Variants in CSMD1 observed in about 807,000 individuals in gnomAD.
CSMD1 encodes CUB and sushi domain-containing protein 1.
In CSMD1, 213 loss-of-function variants were observed where a neutral mutation model predicts 417.5. The observed-to-expected ratio is 0.51, with a 90% CI of 0.46 to 0.57. The LOEUF is 0.57. Ranked by LOEUF, CSMD1 falls within the 20% of genes least tolerant of loss-of-function variation. CSMD1 has a pLI of 0.00. For missense variants in CSMD1, 6,923 were observed against 4,529.7 expected, an observed-to-expected ratio of 1.53 and a Z score of -15.17; for synonymous variants, 2,862 against 1,736.8, an observed-to-expected ratio of 1.65 and a Z score of -16.11.
intron 7 of CSMD1, among the ~76,000 whole-genome samples, chr8:3,671,448 T>C (rs560335865): frequency 6.9e-6 from 1 of 144,702 alleles, no homozygotes; most frequent in Non-Finnish European, 1.5e-5. Context: ...CATATAATCA[T>C]ATATATAATC....
At chr8:4,381,701 C>A (rs774082237) in intron 3 of CSMD1, among the ~76,000 whole-genome samples, 2 of 152,282 alleles carry the variant, frequency 1.3e-5, no homozygotes, top group South Asian at 2.1e-4. Context: ...GCGTCAACAT[C>A]TCCAAAGTTC....
chr8:4,078,510 C>T (rs1799949868), intron 3 of CSMD1, among the ~76,000 whole-genome samples: 1 of 151,808 alleles, frequency 6.6e-6, no homozygotes, highest in African/African-American at 2.4e-5. Flanking sequence ...GTGATCTGCC[C>T]ACCTCGGCCT....
rs1819826326 is a variant in CSMD1, at chr8:3,160,621, AC to A, written c.5844+1537del. Among the ~76,000 whole-genome samples the A allele has an allele frequency of 2.0e-5, 3 of 152,348 alleles. No homozygotes were observed. The South Asian group carries it at 6.2e-4, about 32-fold the overall frequency. On this transcript the variant is annotated intron_variant, in intron 38 of 69. Coordinates refer to ENST00000635120, the MANE Select transcript of CSMD1 (RefSeq NM_033225.6). ...CAGAGTTACAATTATTGTGGTACCC[AC>A]CAAGATGGTGTTATAATGTAAGTGG...
chr8:3,490,298 G>A (rs774977511), intron 11 of CSMD1, among the ~76,000 whole-genome samples: 10 of 152,090 alleles, frequency 6.6e-5, no homozygotes, highest in Non-Finnish European at 1.5e-4. Context: ...TTGAGAGAAG[G>A]CGCTAATAAC....
At chr8:4,595,642 C>G (rs1008345765) in intron 2 of CSMD1, among the ~76,000 whole-genome samples, 3 of 152,140 alleles carry the variant, frequency 2.0e-5, no homozygotes, top group African/African-American at 7.2e-5. Context: ...CGATGCATGT[C>G]TGTAGTCCCA....
chr8:4,039,405 T>C (rs541735491), intron 3 of CSMD1, among the ~76,000 whole-genome samples: 1 of 152,358 alleles, frequency 6.6e-6, no homozygotes, highest in South Asian at 2.1e-4. Context: ...AAAATCTGGT[T>C]ATATAATTTT....
chr8:3,122,488 C>G (rs940897514), intron 41 of CSMD1, among the ~76,000 whole-genome samples: 2 of 152,052 alleles, frequency 1.3e-5, no homozygotes, highest in Non-Finnish European at 2.9e-5. Flanking sequence ...TTGCAGTTGA[C>G]GTGGTATGGC....
chr8:3,485,762 A>AAAAAT (rs66605905), intron 11 of CSMD1, among the ~76,000 whole-genome samples: 5,059 of 110,722 alleles, frequency 0.046, 176 homozygotes, highest in Middle Eastern at 0.059. Context: ...TCAGCCTCAA[A>AAAAAT]AAAATAAAAT....
chr8:3,729,154 A>C (rs1225732518), intron 6 of CSMD1, among the ~76,000 whole-genome samples: 1 of 152,212 alleles, frequency 6.6e-6, no homozygotes, highest in Non-Finnish European at 1.5e-5. Context: ...GGAACATTTA[A>C]CTAACTCGTT....
At chr8:3,110,372 G>A (rs1391176050) in intron 42 of CSMD1, 37 bp from the exon 43 acceptor site, 20 of 1,529,974 alleles carry the variant, frequency 1.3e-5, no homozygotes, top group Non-Finnish European at 1.8e-5. Context: ...GCGCCATACA[G>A]CTGATTTTAG....
intron 3 of CSMD1, among the ~76,000 whole-genome samples, chr8:4,318,338 CCCT>C (rs1298528639): frequency 6.6e-6 from 1 of 152,108 alleles, no homozygotes; most frequent in Middle Eastern, 3.2e-3. Context: ...GGTCATCCAT[CCCT>C]CCTCTCTCTT....
intron 1 of CSMD1, among the ~76,000 whole-genome samples, chr8:4,828,748 C>T (rs1314240992): frequency 6.6e-6 from 1 of 152,162 alleles, no homozygotes; most frequent in East Asian, 1.9e-4. Flanking sequence ...TTTGGAGGTA[C>T]ATTACCTAGG....
At chr8:3,760,227 G>C (rs1584955681) in intron 5 of CSMD1, among the ~76,000 whole-genome samples, 1 of 152,166 alleles carries the variant, frequency 6.6e-6, no homozygotes, top group African/African-American at 2.4e-5. Flanking sequence ...GGGAATGTTG[G>C]ACAGCTCCTT....
chr8:4,154,659 C>A (rs972009820), intron 3 of CSMD1, among the ~76,000 whole-genome samples: 4 of 152,158 alleles, frequency 2.6e-5, no homozygotes, highest in African/African-American at 9.7e-5. Context: ...GTATTCTAGT[C>A]CCTTAGTTGA....
intron 1 of CSMD1, among the ~76,000 whole-genome samples, chr8:4,970,237 G>T (rs1005729275): frequency 6.6e-6 from 1 of 152,068 alleles, no homozygotes; most frequent in African/African-American, 2.4e-5. Context: ...ATTCACTTTG[G>T]GAGCTGAGTA....
intron 2 of CSMD1, among the ~76,000 whole-genome samples, chr8:4,618,937 C>G (rs571881971): frequency 1.3e-5 from 2 of 152,104 alleles, no homozygotes; most frequent in Non-Finnish European, 2.9e-5. Context: ...ACCACAATAA[C>G]AAATCCATAT....
chr8:3,192,778 G>T (rs576707250), intron 33 of CSMD1, among the ~76,000 whole-genome samples: 2 of 152,188 alleles, frequency 1.3e-5, no homozygotes, highest in Admixed American at 1.3e-4. Flanking sequence ...TTCCTTTGTG[G>T]AGTCATGTTG....
intron 42 of CSMD1, 59 bp from the exon 43 acceptor site, chr8:3,110,394 C>G: frequency 2.8e-6 from 4 of 1,404,930 alleles, no homozygotes; most frequent in Non-Finnish European, 1.9e-6. Context: ...GAGTAGAAAG[C>G]TAAATATTTG....
intron 12 of CSMD1, among the ~76,000 whole-genome samples, chr8:3,425,889 T>C (rs1434428223): frequency 6.6e-6 from 1 of 152,182 alleles, no homozygotes; most frequent in African/African-American, 2.4e-5. Context: ...AAGATTTTAG[T>C]GTCTACCATC....
Sources: gnomAD v4.1 joint callset for allele counts (sites outside exome capture counted in the v4.1 genomes callset) on GRCh38, gnomAD v4.1.1 for gene constraint, MANE v1.5 for transcripts, NCBI Gene and HGNC (gene_info 2026-07-23, HGNC 2026-07-21) for gene names.